CPNE4: variants seen among roughly 807,000 people sequenced by gnomAD.
CPNE4 encodes copine-4.
A neutral mutation model predicts 67.9 loss-of-function variants in CPNE4; 25 were observed. The ratio of observed to expected loss-of-function variants is 0.37; its 90% CI spans 0.27 to 0.51. The LOEUF is 0.51. Ranked by LOEUF, CPNE4 falls within the 20% of genes least tolerant of loss-of-function variation. The probability of loss-of-function intolerance (pLI) is 0.93; values close to 1 mark genes in which losing one functional copy is unlikely to be tolerated. For synonymous variants in CPNE4, 242 were observed against 244.9 expected, an observed-to-expected ratio of 0.99 and a Z score of 0.11; for missense variants, 464 against 690.8, an observed-to-expected ratio of 0.67 and a Z score of 3.68.
chr3:131,656,324 T>C (rs1222606205), intron 7 of CPNE4, among the ~76,000 whole-genome samples: 1 of 152,156 alleles, frequency 6.6e-6, no homozygotes, highest in Non-Finnish European at 1.5e-5. Flanking sequence ...TTGTCTTAAA[T>C]TAAAGGAAGT....
At chr3:131,943,948 C>A (rs780348635) in intron 1 of CPNE4, among the ~76,000 whole-genome samples, 36 of 152,122 alleles carry the variant, frequency 2.4e-4, no homozygotes, top group Admixed American at 1.4e-3. Context: ...CACACATACC[C>A]CATACCATTG....
At chr3:131,842,827 G>T (rs1193588281) in intron 2 of CPNE4, among the ~76,000 whole-genome samples, 1 of 151,024 alleles carries the variant, frequency 6.6e-6, no homozygotes, top group Admixed American at 6.6e-5. Context: ...ACATTTAAAA[G>T]TAACATGAAA....
intron 5 of CPNE4, among the ~76,000 whole-genome samples, chr3:131,688,942 A>T (rs1331155313): frequency 2.6e-5 from 4 of 152,166 alleles, no homozygotes; most frequent in African/African-American, 9.7e-5. Flanking sequence ...ACATATTTAC[A>T]TGTTGTATAT....
At chr3:131,731,300 G>A (rs561847864) in intron 2 of CPNE4, among the ~76,000 whole-genome samples, 1 of 152,296 alleles carries the variant, frequency 6.6e-6, no homozygotes, top group Admixed American at 6.5e-5. Flanking sequence ...TTGCATCCTT[G>A]CTTAGGAATG....
intron 1 of CPNE4, among the ~76,000 whole-genome samples, chr3:132,021,623 G>A (rs2073997717): frequency 6.6e-6 from 1 of 152,162 alleles, no homozygotes; most frequent in African/African-American, 2.4e-5. Context: ...TATGAAAAAA[G>A]TGTGCATACT....
intron 7 of CPNE4, among the ~76,000 whole-genome samples, chr3:131,645,682 A>G (rs2079646709): frequency 6.6e-6 from 1 of 152,162 alleles, no homozygotes. Context: ...TTTGTGGCAA[A>G]TATCTGACTG....
chr3:131,865,960 A>G (rs1396425976), intron 2 of CPNE4, among the ~76,000 whole-genome samples: 2 of 152,214 alleles, frequency 1.3e-5, no homozygotes, highest in Non-Finnish European at 2.9e-5. Flanking sequence ...AGTTGGGCCA[A>G]TATGGCCAGG....
chr3:131,842,113 C>T (rs145544719), intron 2 of CPNE4, among the ~76,000 whole-genome samples: 1 of 152,260 alleles, frequency 6.6e-6, no homozygotes, highest in African/African-American at 2.4e-5. Context: ...CTGTCTACCA[C>T]AAAACAGAAA....
At chr3:131,810,984 A>C in intron 2 of CPNE4, among the ~76,000 whole-genome samples, 1 of 152,086 alleles carries the variant, frequency 6.6e-6, no homozygotes, top group East Asian at 1.9e-4. Context: ...AAATAGTCAA[A>C]CTCATAGAGC....
chr3:131,696,660 C>A, intron 4 of CPNE4, 44 bp from the exon 5 acceptor site: 1 of 1,563,770 alleles, frequency 6.4e-7, no homozygotes, highest in Non-Finnish European at 8.8e-7. Flanking sequence ...GGGTGAACTC[C>A]TTAGCTCCAG....
chr3:131,832,448 T>C (rs375029206), intron 2 of CPNE4, among the ~76,000 whole-genome samples: 6 of 152,286 alleles, frequency 3.9e-5, no homozygotes, highest in Admixed American at 2.0e-4. Context: ...ACTTTGCAGG[T>C]GGGACTGCCA....
chr3:131,668,591 T>C (rs778725155), intron 7 of CPNE4, among the ~76,000 whole-genome samples: 2 of 152,216 alleles, frequency 1.3e-5, no homozygotes, highest in East Asian at 3.8e-4. Flanking sequence ...CTGATATTAC[T>C]GCTTGATGGT....
chr3:131,996,180 C>T (rs1376537154), intron 1 of CPNE4, among the ~76,000 whole-genome samples: 2 of 152,126 alleles, frequency 1.3e-5, no homozygotes, highest in African/African-American at 2.4e-5. Context: ...AAATTAAGTG[C>T]CTGATTTAAT....
intron 10 of CPNE4, among the ~76,000 whole-genome samples, chr3:131,574,142 T>G (rs1233006275): frequency 6.6e-6 from 1 of 152,066 alleles, no homozygotes; most frequent in East Asian, 1.9e-4. Context: ...TTTATTTCCT[T>G]TTTTCAAATG....
At chr3:131,557,506 A>T (rs557375855) in intron 11 of CPNE4, among the ~76,000 whole-genome samples, 1 of 152,048 alleles carries the variant, frequency 6.6e-6, no homozygotes, top group Non-Finnish European at 1.5e-5. Flanking sequence ...AATTGTATCA[A>T]ATTTGGGGTT....
chr3:131,738,854 C>CTTTTTTTT (rs34053204), intron 2 of CPNE4, among the ~76,000 whole-genome samples: 2 of 140,132 alleles, frequency 1.4e-5, no homozygotes, highest in Non-Finnish European at 3.1e-5. Context: ...TTTTCTTTTT[C>CTTTTTTTT]TTTTTTTTTT....
chr3:132,013,989 A>C (rs1176925599), intron 1 of CPNE4, among the ~76,000 whole-genome samples: 1 of 152,180 alleles, frequency 6.6e-6, no homozygotes, highest in East Asian at 1.9e-4. Flanking sequence ...CTCTGAGAGG[A>C]GGGAAAAAAA....
chr3:131,717,842 C>CCT (rs1400082046), intron 3 of CPNE4, among the ~76,000 whole-genome samples: 1 of 64,004 alleles, frequency 1.6e-5, no homozygotes, highest in Admixed American at 1.6e-4. Flanking sequence ...TCCTTCCTTC[C>CCT]TTCCTTCCTC....
intron 4 of CPNE4, among the ~76,000 whole-genome samples, chr3:131,699,184 A>G (rs1249151162): frequency 6.6e-6 from 1 of 152,166 alleles, no homozygotes. Context: ...CAAAAATGTA[A>G]GCTCTTATTT....
Sources: gnomAD v4.1 joint callset for allele counts (sites outside exome capture counted in the v4.1 genomes callset) on GRCh38, gnomAD v4.1.1 for gene constraint, MANE v1.5 for transcripts, NCBI Gene and HGNC (gene_info 2026-07-23, HGNC 2026-07-21) for gene names.